NDST2: variants seen among roughly 807,000 people sequenced by gnomAD.
NDST2 encodes N-deacetylase and N-sulfotransferase 2.
Under a neutral mutation model 86.9 loss-of-function variants are expected in NDST2, and 32 were observed. The ratio of observed to expected loss-of-function variants is 0.37; its 90% CI spans 0.28 to 0.49. The LOEUF (loss-of-function observed/expected upper bound fraction) is 0.49. Ranked by LOEUF, NDST2 falls within the 20% of genes least tolerant of loss-of-function variation. The probability of loss-of-function intolerance (pLI) is 0.97; values close to 1 mark genes in which losing one functional copy is unlikely to be tolerated. For missense variants in NDST2, 950 were observed against 1,146.9 expected (o/e 0.83, Z 2.48); for synonymous variants, 409 against 437.0 (o/e 0.94, Z 0.80).
chr10:73,804,077 G>T, intron 9 of NDST2, 61 bp from the exon 10 acceptor site: 1 of 1,585,594 alleles, frequency 6.3e-7, no homozygotes, highest in Non-Finnish European at 8.6e-7. Context: ...CAGCTCAACA[G>T]CATAAGCTTG....
Position 73,808,364 on chromosome 10 carries a change from G to A in NDST2, c.25C>T (p.Arg9Cys), listed in dbSNP as rs368488804. The change falls in exon 3 of 15, where the codon CGC (arginine) becomes TGC (cysteine). Residue 9 changes from arginine to cysteine, a missense_variant. Around this residue, in one of 5 missense-constraint regions of NDST2, gnomAD observed 38 missense variants for 42.5 expected, o/e 0.89. Coordinates refer to ENST00000309979, the MANE Select transcript of NDST2 (RefSeq NM_003635.4). This position sits in a 1 kb window ranked among gnomAD's most constrained non-coding sequence, Gnocchi z 4.3. The part of the protein sequence containing the change: MLQLWKVV[R>C]PARQLELHRL... The stretch of plus-strand genomic sequence containing the variant: ...TGCAGTTCCAGCTGCCGAGCTGGGC[G>A]TACCACCTTCCACAACTGGAGCATG... 96 of 1,595,834 alleles carry A rather than the reference G, an allele frequency of 6.0e-5. 1 individual carries two copies. In the Middle Eastern group the frequency reaches 9.9e-4, roughly 17 times the overall value.
chr10:73,811,171 C>T (rs2084229276), intron 1 of NDST2, among the ~76,000 whole-genome samples: 1 of 151,912 alleles, frequency 6.6e-6, no homozygotes, highest in African/African-American at 2.4e-5. Context: ...CAGGTGGATG[C>T]GAAGAGCGCA....
chr10:73,809,886 C>T (rs987024711), intron 2 of NDST2, among the ~76,000 whole-genome samples: 8 of 152,164 alleles, frequency 5.3e-5, no homozygotes, highest in African/African-American at 1.9e-4. Flanking sequence ...CTTTGCACCA[C>T]CACACCCTAC....
rs1437962908 is a variant in NDST2, at chr10:73,807,872, G to A, written c.517C>T (p.Arg173Ter). 1.8e-5 allele frequency: 29 copies of A among 1,613,776 alleles called. No homozygotes were observed. Among genetic ancestry groups the A allele is most frequent in the Non-Finnish European group, 2.4e-5 (28 of 1,179,848 alleles). The change falls in exon 3 of 15, where the codon CGA becomes TGA. Residue 173 changes from arginine to a stop codon, truncating the protein, a stop_gained. Transcript: ENST00000309979. LOFTEE classifies it high-confidence loss of function. Reference sequence around the variant, plus strand: ...CTCAGTAGGCTGTGCTCGTGGGCTCGGAAAAAGCCAATGATGCCCACACCA... The same window carrying A: ...CTCAGTAGGCTGTGCTCGTGGGCTCAGAAAAAGCCAATGATGCCCACACCA... ...EYGVGIIGFF[R>*]AHEHSLLSAQ... is the part of the protein sequence containing the mutation.
At position 73,803,089 on chromosome 10, in the gene NDST2, G is replaced by C; in HGVS notation, c.2314-8C>G. On this transcript the variant is annotated splice_region_variant and splice_polypyrimidine_tract_variant and intron_variant, in intron 12 of 14. Coordinates refer to ENST00000309979, the MANE Select transcript of NDST2 (RefSeq NM_003635.4). ...CCCATCCACAATCAGCAACTAAAAG[G>C]ACAGGGATGTGGTTCCCTCTATATT... is the stretch of plus-strand genomic sequence containing the variant. The C allele has an allele frequency of 6.2e-7, 1 of 1,614,136 alleles. No homozygotes were observed. The highest frequency in any genetic ancestry group is 1.1e-5 in the South Asian group (1 of 91,074).
At chr10:73,810,448 A>C (rs1393889395) in intron 2 of NDST2, among the ~76,000 whole-genome samples, 1 of 151,728 alleles carries the variant, frequency 6.6e-6, no homozygotes, top group Non-Finnish European at 1.5e-5. Context: ...ACAGAGCTAG[A>C]CTCCAGCTCA....
intron 9 of NDST2, 106 bp from the exon 10 acceptor site, chr10:73,804,122 A>G (rs745468105): frequency 7.3e-7 from 1 of 1,374,598 alleles, no homozygotes; most frequent in East Asian, 2.3e-5. Context: ...TGGGTAGGAA[A>G]ATCCCCTATG....
chr10:73,808,338 G>A lies in NDST2; in HGVS notation c.51C>T (p.His17=). 6.3e-7 allele frequency: 1 copy of A among 1,595,364 alleles called. No individual in the cohort carries two copies. Among genetic ancestry groups the A allele is most frequent in the East Asian group, 2.3e-5 (1 of 43,704 alleles). ...AAGCGATCAGCAGCAGTATGAGGCG[G>A]TGCAGTTCCAGCTGCCGAGCTGGGC... ...VVRPARQLEL[H]RLILLLIAFS... is the part of the protein sequence containing the mutation. The change falls in exon 3 of 15, where the codon CAC becomes CAT. Residue 17 remains histidine (H), a synonymous_variant. Transcript: ENST00000309979. This position sits in a 1 kb window ranked among gnomAD's most constrained non-coding sequence, Gnocchi z 4.3.
chr10:73,803,092 A>G lies in NDST2; in HGVS notation c.2314-11T>C, dbSNP rs1255292007. The stretch of plus-strand genomic sequence containing the variant: ...ATCCACAATCAGCAACTAAAAGGAC[A>G]GGGATGTGGTTCCCTCTATATTCCT... On this transcript the variant is annotated splice_polypyrimidine_tract_variant and intron_variant, in intron 12 of 14. Coordinates refer to ENST00000309979, the MANE Select transcript of NDST2 (RefSeq NM_003635.4). 6.2e-7 allele frequency: 1 copy of G among 1,614,036 alleles called. No individual in the cohort carries two copies. Among genetic ancestry groups the G allele is most frequent in the African/African-American group, 1.3e-5 (1 of 74,934 alleles).
In NDST2 at chr10:73,803,312, A is replaced by G. The variant is rs765949755; in HGVS notation, c.2190T>C (p.Tyr730=). The change falls in exon 12 of 15, where the codon TAT becomes TAC. Residue 730 remains tyrosine (Y), a synonymous_variant. Coordinates refer to ENST00000309979, the MANE Select transcript of NDST2 (RefSeq NM_003635.4). ...TCTGGGAGGAGGCTGAAATCACCTG[A>G]TAGAAGGTATAGTTCAGAGCAACTG... ...GDPVALNYTF[Y]QVISASSQTP... The G allele has an allele frequency of 6.0e-5, 97 of 1,614,034 alleles. No homozygotes were observed. Among genetic ancestry groups the G allele is most frequent in the Non-Finnish European group, 7.8e-5 (92 of 1,180,030 alleles).
rs1178385996 is a variant in NDST2, at chr10:73,802,445, G to A, written c.*6C>T. On this transcript the variant is annotated 3_prime_UTR_variant, in exon 15 of 15. Coordinates refer to ENST00000309979, the MANE Select transcript of NDST2 (RefSeq NM_003635.4). ...GGGCATTTTGCTGGTATGGGAGGCTGGGACATCAGCCCAGACTGGAATGCT... is the reference window on the plus strand; with the variant it reads ...GGGCATTTTGCTGGTATGGGAGGCTAGGACATCAGCCCAGACTGGAATGCT... 8.7e-6 allele frequency: 14 copies of A among 1,612,360 alleles called. No individual in the cohort carries two copies. Among genetic ancestry groups the A allele is most frequent in the Non-Finnish European group, 1.1e-5 (13 of 1,180,022 alleles).
rs777693264 is a variant in NDST2 at position 73,802,423 on chromosome 10, C to A, written c.*28G>T. ...ACCTGCCCCTTAGGGAAGCAGGGGGCATTTTGCTGGTATGGGAGGCTGGGA... is the reference window on the plus strand; with the variant it reads ...ACCTGCCCCTTAGGGAAGCAGGGGGAATTTTGCTGGTATGGGAGGCTGGGA... On this transcript the variant is annotated 3_prime_UTR_variant, in exon 15 of 15. Coordinates refer to ENST00000309979, the MANE Select transcript of NDST2 (RefSeq NM_003635.4). The A allele has an allele frequency of 3.7e-6, 6 of 1,611,724 alleles. No individual in the cohort carries two copies. In the South Asian group the frequency reaches 6.6e-5, roughly 18 times the overall value.
rs1306056689 is a variant in NDST2, at chr10:73,804,912, T to A, written c.1747-43A>T. ...AATCAGATAAGGCCTATTTTTTTTT[T>A]TTTTTTGAGACGGAGTTTCGTTCTT... On this transcript the variant is annotated intron_variant, in intron 8 of 14. Transcript: ENST00000309979. 5 of 1,336,308 alleles carry A rather than the reference T, an allele frequency of 3.7e-6. No homozygotes were observed. In the African/African-American group the frequency reaches 6.0e-5, roughly 16 times the overall value. 82.8% of individuals were successfully genotyped at this position (1,336,308 alleles called of 1,614,324 possible).
upstream of NDST2, chr10:73,811,724 G>C: frequency 6.6e-6 from 1 of 152,270 alleles, no homozygotes; most frequent in African/African-American, 2.4e-5. Flanking sequence ...AAATCAAGCG[G>C]CCCTCCGCAG....
upstream of NDST2, chr10:73,811,818 A>G (rs1024394597): frequency 1.3e-5 from 2 of 152,008 alleles, no homozygotes; most frequent in Admixed American, 1.3e-4. Flanking sequence ...GCGCGATGGC[A>G]CTGCCGGCCG....
In NDST2 at chr10:73,805,603, C is replaced by G; in HGVS notation, c.1730G>C (p.Arg577Pro). Reference protein sequence around the residue: ...QKYFELFPQERSPLWQNPCDD... With the variant: ...QKYFELFPQEPSPLWQNPCDD... ...CACCTTTACCTGCCAAAGGGGGCTT[C>G]GCTCCTGAGGGAAAAGTTCAAAGTA... is the stretch of plus-strand genomic sequence containing the variant. The change falls in exon 8 of 15, where the codon CGA (arginine) becomes CCA (proline). Residue 577 changes from arginine to proline, a missense_variant. By Grantham distance (103) the Arg-to-Pro change is moderately radical. Around this residue, in one of 5 missense-constraint regions of NDST2, gnomAD observed 586 missense variants for 714.0 expected, o/e 0.82. Coordinates refer to ENST00000309979, the MANE Select transcript of NDST2 (RefSeq NM_003635.4). The G allele has an allele frequency of 6.2e-7, 1 of 1,614,094 alleles. No individual in the cohort carries two copies. Among genetic ancestry groups the G allele is most frequent in the African/African-American group, 1.3e-5 (1 of 75,040 alleles).
chr10:73,801,927 A>G lies in NDST2; in HGVS notation c.*524T>C. ...AGGCAGACAAAACAGAAAAATAAGG[A>G]TGTTTATTAAGGACATTTCTAGCCC... On this transcript the variant is annotated 3_prime_UTR_variant, in exon 15 of 15. Coordinates refer to ENST00000309979, the MANE Select transcript of NDST2 (RefSeq NM_003635.4). This position sits in a 1 kb window ranked among gnomAD's most constrained non-coding sequence, Gnocchi z 4.9. The G allele has an allele frequency of 2.3e-6, 1 of 442,344 alleles. No homozygotes were observed. Among genetic ancestry groups the G allele is most frequent in the South Asian group, 2.1e-5 (1 of 47,620 alleles). 27.4% of individuals were successfully genotyped at this position (442,344 alleles called of 1,614,324 possible).
chr10:73,803,948 T>C lies in NDST2; in HGVS notation c.1912A>G (p.Thr638Ala), dbSNP rs1243885794. 1.2e-6 allele frequency: 2 copies of C among 1,614,042 alleles called. No individual in the cohort carries two copies. Among genetic ancestry groups the C allele is most frequent in the Non-Finnish European group, 1.7e-6 (2 of 1,180,050 alleles). Reference protein sequence around the residue: ...AVTSSFPSPSTFEEIQFFNSP... With the variant: ...AVTSSFPSPSAFEEIQFFNSP... ...TTGAAGAACTGAATCTCCTCAAATG[T>C]GCTGGGGCTAGGGAAGCTGCTAGTT... Residue 638 changes from threonine (T) to alanine (A), a missense_variant, in exon 10 of 15, where the codon ACA becomes GCA. Transcript: ENST00000309979.
At chr10:73,805,210 C>A (rs967061785) in intron 8 of NDST2, among the ~76,000 whole-genome samples, 6 of 151,714 alleles carry the variant, frequency 4.0e-5, no homozygotes, top group Non-Finnish European at 8.8e-5. Flanking sequence ...CTGGCCTAGT[C>A]TTCTCTTAAA....
Sources: allele counts gnomAD v4.1 joint callset (sites outside exome capture counted in the v4.1 genomes callset), GRCh38; gene constraint gnomAD v4.1.1; regional missense constraint gnomAD v4.1.1; non-coding constraint Gnocchi (gnomAD v3.1); transcripts MANE v1.5; gene names NCBI Gene and HGNC (gene_info 2026-07-23, HGNC 2026-07-21).